CTNNBIP1: variants seen among roughly 807,000 people sequenced by gnomAD.
The protein encoded by CTNNBIP1 is catenin beta interacting protein 1, also known as beta-catenin-interacting protein 1.
Under a neutral mutation model 11.8 loss-of-function variants are expected in CTNNBIP1, and 7 were observed. That is an observed-to-expected ratio of 0.60 (90% CI 0.34 to 1.12). The LOEUF is 1.12. Among genes scored for constraint, CTNNBIP1 ranks in the 50% most tolerant of loss-of-function variants. CTNNBIP1 has a pLI of 0.03. For missense variants in CTNNBIP1, 101 were observed against 113.4 expected (o/e 0.89, Z 0.50); for synonymous variants, 58 against 43.9 (o/e 1.32, Z -1.26).
rs1177877128 is a variant in CTNNBIP1, at chr1:9,850,309, G to A, written c.*409C>T. 1.2e-5 allele frequency: 2 copies of A among 162,572 alleles called. No homozygotes were observed. The highest frequency in any genetic ancestry group is 4.8e-5 in the African/African-American group (2 of 41,594). The allele number at this position is 162,572 out of a possible 1,614,324, so 10.1% of individuals were successfully genotyped here. The stretch of plus-strand genomic sequence containing the variant: ...ACCAGCCAATCACAGATCCTTTCCA[G>A]TTTAAGCAGCCAATCAGACCTCTTC... On this transcript the variant is annotated 3_prime_UTR_variant, in exon 6 of 6. Coordinates refer to ENST00000377263, the MANE Select transcript of CTNNBIP1 (RefSeq NM_020248.3).
intron 1 of CTNNBIP1, among the ~76,000 whole-genome samples, chr1:9,905,273 C>T (rs1240517218): frequency 6.6e-6 from 1 of 152,188 alleles, no homozygotes; most frequent in African/African-American, 2.4e-5. Flanking sequence ...ATCATTCTTG[C>T]AGTCCTCTCT....
At chr1:9,882,308 G>T (rs1032431238) in intron 2 of CTNNBIP1, among the ~76,000 whole-genome samples, 1 of 152,198 alleles carries the variant, frequency 6.6e-6, no homozygotes, top group Non-Finnish European at 1.5e-5. Context: ...AAAGAGCCAC[G>T]GCTCACATGT....
chr1:9,860,827 G>C (rs1638611283), intron 5 of CTNNBIP1, among the ~76,000 whole-genome samples: 1 of 152,060 alleles, frequency 6.6e-6, no homozygotes, highest in African/African-American at 2.4e-5. Flanking sequence ...AACTCCTCAG[G>C]AGCCTTACTC....
intron 1 of CTNNBIP1, among the ~76,000 whole-genome samples, chr1:9,899,904 C>A (rs559670177): frequency 1.3e-5 from 2 of 151,564 alleles, no homozygotes; most frequent in African/African-American, 4.8e-5. Flanking sequence ...CAAAGCCCCA[C>A]CTTTACTAAA....
At chr1:9,860,441 A>C (rs1035917700) in intron 5 of CTNNBIP1, among the ~76,000 whole-genome samples, 10 of 150,324 alleles carry the variant, frequency 6.7e-5, no homozygotes, top group East Asian at 5.9e-4. Flanking sequence ...AAAAAAAAAA[A>C]AAAAAAAAAA....
chr1:9,865,631 C>T (rs1242391817), intron 5 of CTNNBIP1, among the ~76,000 whole-genome samples: 3 of 151,476 alleles, frequency 2.0e-5, no homozygotes, highest in African/African-American at 7.3e-5. Context: ...AAAAAAACAA[C>T]AAGAAAAAAA....
At chr1:9,865,121 T>A (rs1638715413) in intron 5 of CTNNBIP1, among the ~76,000 whole-genome samples, 1 of 151,322 alleles carries the variant, frequency 6.6e-6, no homozygotes, top group South Asian at 2.1e-4. Context: ...CCCAGCTACC[T>A]GGGAGGCTAA....
At chr1:9,861,826 T>C (rs112595290) in intron 5 of CTNNBIP1, among the ~76,000 whole-genome samples, 4,223 of 152,310 alleles carry the variant, frequency 0.028, 84 homozygotes, top group Middle Eastern at 0.054. Context: ...TGACTAGCTG[T>C]GTATCCCAGG....
chr1:9,876,624 A>C (rs973954554), intron 3 of CTNNBIP1, among the ~76,000 whole-genome samples: 4 of 152,190 alleles, frequency 2.6e-5, no homozygotes, highest in Admixed American at 2.0e-4. Context: ...TTCAAAAAAC[A>C]AAAACAATAA....
At chr1:9,861,550 C>CCAGGCTCAGGCTCAGGCT (rs879673256) in intron 5 of CTNNBIP1, among the ~76,000 whole-genome samples, 2 of 152,234 alleles carry the variant, frequency 1.3e-5, no homozygotes, top group Non-Finnish European at 2.9e-5. Flanking sequence ...CAAAGCAGCA[C>CCAGGCTCAGGCTCAGGCT]CAGGCTCAGG....
chr1:9,884,242 C>A (rs1370315284), intron 1 of CTNNBIP1, among the ~76,000 whole-genome samples: 1 of 152,106 alleles, frequency 6.6e-6, no homozygotes, highest in African/African-American at 2.4e-5. Flanking sequence ...TGGCTCCAGG[C>A]ACACTCCCCA....
chr1:9,848,896 G>A lies in CTNNBIP1; in HGVS notation c.*1822C>T, dbSNP rs1053779726. The A allele has an allele frequency of 6.6e-6, 1 of 152,304 alleles. No individual in the cohort carries two copies. Among genetic ancestry groups the A allele is most frequent in the African/African-American group, 2.4e-5 (1 of 41,466 alleles). 9.4% of individuals were successfully genotyped at this position (152,304 alleles called of 1,614,324 possible). On this transcript the variant is annotated 3_prime_UTR_variant, in exon 6 of 6. Coordinates refer to ENST00000377263, the MANE Select transcript of CTNNBIP1 (RefSeq NM_020248.3). This position sits in a 1 kb window ranked among gnomAD's most constrained non-coding sequence, Gnocchi z 4.3. ...ACAGCACGAACCACCTACCCACCAT[G>A]GGGCTCTCCAGGGCTCGGTCATTTG...
At chr1:9,865,949 C>T (rs986941638) in intron 5 of CTNNBIP1, among the ~76,000 whole-genome samples, 2 of 152,204 alleles carry the variant, frequency 1.3e-5, no homozygotes, top group East Asian at 3.8e-4. Context: ...GCAGCTGCCC[C>T]TTCCCAGCAG....
At chr1:9,905,272 G>C (rs776482370) in intron 1 of CTNNBIP1, among the ~76,000 whole-genome samples, 4 of 152,016 alleles carry the variant, frequency 2.6e-5, no homozygotes, top group Non-Finnish European at 5.9e-5. Flanking sequence ...GATCATTCTT[G>C]CAGTCCTCTC....
intron 1 of CTNNBIP1, among the ~76,000 whole-genome samples, chr1:9,897,829 A>AC (rs1281096167): frequency 6.6e-6 from 1 of 151,976 alleles, no homozygotes; most frequent in Non-Finnish European, 1.5e-5. Context: ...TAAAAGAAAT[A>AC]AAAAAATTTG....
chr1:9,886,288 G>A (rs1028758477), intron 1 of CTNNBIP1, among the ~76,000 whole-genome samples: 8 of 152,162 alleles, frequency 5.3e-5, no homozygotes, highest in African/African-American at 1.4e-4. Flanking sequence ...CAGACTGGGT[G>A]CGTTTCTGCT....
intron 1 of CTNNBIP1, among the ~76,000 whole-genome samples, chr1:9,907,044 C>T (rs961869288): frequency 6.6e-6 from 1 of 152,218 alleles, no homozygotes; most frequent in African/African-American, 2.4e-5. Flanking sequence ...CTAGGGGACA[C>T]AGACGCTTAA....
chr1:9,905,881 A>T lies in CTNNBIP1; in HGVS notation c.-144+4214T>A, dbSNP rs936029543. Among the ~76,000 whole-genome samples the T allele has an allele frequency of 9.2e-5, 14 of 152,314 alleles. No individual in the cohort carries two copies. In the South Asian group the frequency reaches 2.9e-3, roughly 32 times the overall value. ...AACAGTGCCTAGCACATAGGTGCTC[A>T]ATCAGTCATTCAATTCAACAAATAT... On this transcript the variant is annotated intron_variant, in intron 1 of 5. Coordinates refer to ENST00000377263, the MANE Select transcript of CTNNBIP1 (RefSeq NM_020248.3).
chr1:9,876,561 G>C (rs1004992816), intron 3 of CTNNBIP1, among the ~76,000 whole-genome samples: 9 of 152,162 alleles, frequency 5.9e-5, no homozygotes. Context: ...CAGTTGCCTG[G>C]AGCCAAGATC....
Sources: allele counts gnomAD v4.1 joint callset (sites outside exome capture counted in the v4.1 genomes callset), GRCh38; gene constraint gnomAD v4.1.1; non-coding constraint Gnocchi (gnomAD v3.1); transcripts MANE v1.5; gene names NCBI Gene and HGNC (gene_info 2026-07-23, HGNC 2026-07-21).